Variants in PCDHA3 observed in about 807,000 individuals in gnomAD.
PCDHA3 encodes the protein protocadherin alpha-3.
PCDHA3 carries 41 observed loss-of-function variants against 62.2 expected under a neutral mutation model. That is an observed-to-expected ratio of 0.66 (90% confidence interval 0.51 to 0.86). The LOEUF (loss-of-function observed/expected upper bound fraction) is 0.86. Among genes scored for constraint, PCDHA3 ranks in the 40% least tolerant of loss-of-function variants. PCDHA3 has a pLI of 0.00. For synonymous variants in PCDHA3, 640 were observed against 555.4 expected, an observed-to-expected ratio of 1.15 and a Z score of -2.14; for missense variants, 1,304 against 1,241.2, an observed-to-expected ratio of 1.05 and a Z score of -0.76.
intron 1 of PCDHA3, chr5:140,850,256 C>G (rs781879208): frequency 1.9e-6 from 3 of 1,594,146 alleles, no homozygotes; most frequent in Non-Finnish European, 1.7e-6. Context: ...CGGTGGGCGC[C>G]GGCGTAGTGG....
intron 1 of PCDHA3, among the ~76,000 whole-genome samples, chr5:140,974,875 A>G (rs934874769): frequency 1.6e-4 from 24 of 152,174 alleles, no homozygotes; most frequent in Non-Finnish European, 1.9e-4. Context: ...GGAACAGTCT[A>G]TGTATCCCTT....
intron 1 of PCDHA3, chr5:140,876,038 G>A (rs2153335869): frequency 6.2e-7 from 1 of 1,613,822 alleles, no homozygotes; most frequent in East Asian, 2.2e-5. Context: ...AAAGATAAAA[G>A]TATATTGCCT....
intron 1 of PCDHA3, among the ~76,000 whole-genome samples, chr5:140,923,613 G>GT (rs2081443569): frequency 6.6e-6 from 1 of 152,146 alleles, no homozygotes; most frequent in South Asian, 2.1e-4. Context: ...TGTTTATCTG[G>GT]TCATCTTATC....
At chr5:140,809,053 C>T (rs1307759029) in intron 1 of PCDHA3, 4 of 1,613,756 alleles carry the variant, frequency 2.5e-6, no homozygotes, top group African/African-American at 2.7e-5. Context: ...GCATCCCGTT[C>T]CGCGTGGGGC....
At chr5:140,835,916 C>T (rs1359534891) in intron 1 of PCDHA3, 4 of 1,612,180 alleles carry the variant, frequency 2.5e-6, no homozygotes, top group Non-Finnish European at 2.5e-6. Context: ...TGTCAGTGCA[C>T]GCGGAGAGCG....
chr5:140,829,684 G>T, intron 1 of PCDHA3: 1 of 1,613,278 alleles, frequency 6.2e-7, no homozygotes, highest in Non-Finnish European at 8.5e-7. Context: ...TAGAGCTGCT[G>T]CAGTTTCAGG....
intron 1 of PCDHA3, among the ~76,000 whole-genome samples, chr5:140,904,268 A>G (rs989389819): frequency 1.3e-5 from 2 of 152,004 alleles, no homozygotes; most frequent in African/African-American, 4.8e-5. Context: ...CCACTTATGA[A>G]TGAGAACATG....
intron 1 of PCDHA3, among the ~76,000 whole-genome samples, chr5:140,898,476 G>A (rs1167001415): frequency 6.6e-6 from 1 of 152,072 alleles, no homozygotes; most frequent in Non-Finnish European, 1.5e-5. Flanking sequence ...TTTTTCTCAG[G>A]TTTGTCAAAG....
intron 1 of PCDHA3, among the ~76,000 whole-genome samples, chr5:140,977,466 T>A (rs1554238584): frequency 2.0e-5 from 3 of 152,246 alleles, no homozygotes; most frequent in African/African-American, 4.8e-5. Context: ...ATTTGGTCTG[T>A]AGATAATTTT....
chr5:140,937,717 C>G (rs868958316), intron 1 of PCDHA3, among the ~76,000 whole-genome samples: 34 of 151,858 alleles, frequency 2.2e-4, no homozygotes, highest in African/African-American at 8.2e-4. Flanking sequence ...TCAAGACCAT[C>G]CTGGCTAACA....
At chr5:141,006,406 G>A (rs553100919) in intron 3 of PCDHA3, among the ~76,000 whole-genome samples, 1 of 152,050 alleles carries the variant, frequency 6.6e-6, no homozygotes, top group East Asian at 1.9e-4. Context: ...GTAGAGACGC[G>A]GTTTCACTGT....
intron 1 of PCDHA3, chr5:140,807,483 G>C (rs371525794): frequency 1.2e-6 from 2 of 1,613,322 alleles, no homozygotes; most frequent in Non-Finnish European, 1.7e-6. Context: ...TGCCGGCGGA[G>C]CGCGGAGTGC....
chr5:140,926,805 G>T (rs1383202456), intron 1 of PCDHA3: 3 of 1,452,468 alleles, frequency 2.1e-6, no homozygotes, highest in East Asian at 5.0e-5. Flanking sequence ...GCTCTTCCCC[G>T]CGGCTCGTGC....
chr5:140,927,445 T>C (rs2084204838), intron 1 of PCDHA3: 1 of 1,613,580 alleles, frequency 6.2e-7, no homozygotes, highest in Non-Finnish European at 8.5e-7. Context: ...ATACCCGGAG[T>C]TGGTGTTGGA....
At chr5:140,963,517 T>C (rs2095769422) in intron 1 of PCDHA3, among the ~76,000 whole-genome samples, 1 of 152,238 alleles carries the variant, frequency 6.6e-6, no homozygotes, top group East Asian at 1.9e-4. Flanking sequence ...GGGGTTCTCA[T>C]AACAGAAGTC....
chr5:140,841,687 G>A (rs2150320921), intron 1 of PCDHA3: 1 of 1,613,966 alleles, frequency 6.2e-7, no homozygotes, highest in South Asian at 1.1e-5. Context: ...TGGACGTGGA[G>A]GTGAAGGATG....
chr5:140,869,541 G>A (rs1554163213), intron 1 of PCDHA3: 1 of 1,614,204 alleles, frequency 6.2e-7, no homozygotes, highest in East Asian at 2.2e-5. Flanking sequence ...CGGAATCTAA[G>A]CAATCGGACT....
At chr5:140,895,435 C>T (rs2065005335) in intron 1 of PCDHA3, among the ~76,000 whole-genome samples, 2 of 152,134 alleles carry the variant, frequency 1.3e-5, no homozygotes, top group African/African-American at 4.8e-5. Context: ...CCTCCTGAGA[C>T]TCTTTTCATG....
At position 140,809,064 on chromosome 5, in the gene PCDHA3, T is replaced by G. The variant is rs543142225; in HGVS notation, c.2394+5473T>G. The G allele has an allele frequency of 8.1e-6, 13 of 1,613,910 alleles. No homozygotes were observed. The South Asian group carries it at 1.4e-4, about 18-fold the overall frequency. ...GCGCGCATCCCGTTCCGCGTGGGGCTGTACACTGGCGAGATCAGCACAACG... is the reference window on the plus strand; with the variant it reads ...GCGCGCATCCCGTTCCGCGTGGGGCGGTACACTGGCGAGATCAGCACAACG... On this transcript the variant is annotated intron_variant, in intron 1 of 3. Transcript: ENST00000522353.
Sources: gnomAD v4.1 joint callset for allele counts (sites outside exome capture counted in the v4.1 genomes callset) on GRCh38, gnomAD v4.1.1 for gene constraint, MANE v1.5 for transcripts, NCBI Gene and HGNC (gene_info 2026-07-23, HGNC 2026-07-21) for gene names.